NEMP2: variants seen among roughly 807,000 people sequenced by gnomAD.
NEMP2 encodes nuclear envelope integral membrane protein 2, also known as UPF0571 transmembrane protein.
NEMP2 carries 53 observed loss-of-function variants against 54.2 expected under a neutral mutation model. That is an observed-to-expected ratio of 0.98 (90% CI 0.78 to 1.23). The LOEUF (loss-of-function observed/expected upper bound fraction) is 1.23. Ranked by LOEUF, NEMP2 falls within the 50% of genes most tolerant of loss-of-function variation. The pLI is 0.00. For synonymous variants in NEMP2, 197 were observed against 190.3 expected, an observed-to-expected ratio of 1.04 and a Z score of -0.29; for missense variants, 455 against 511.3, an observed-to-expected ratio of 0.89 and a Z score of 1.06.
chr2:190,622,648 A>C, the NEMP2 span, among the ~76,000 whole-genome samples: 948 of 152,288 alleles, frequency 6.2e-3, 3 homozygotes, highest in Middle Eastern at 0.024. Context: ...CGACAACAAA[A>C]ATCGGACATC....
chr2:190,489,254 A>G, the NEMP2 span, among the ~76,000 whole-genome samples: 60 of 152,356 alleles, frequency 3.9e-4, no homozygotes, highest in African/African-American at 1.4e-3. This position sits in a 1 kb window ranked among gnomAD's most constrained non-coding sequence, Gnocchi z 6.6. Context: ...TATGGTAACA[A>G]TATCTGTCTG....
chr2:190,537,833 G>C (rs565998989), upstream of NEMP2, among the ~76,000 whole-genome samples: 1 of 152,304 alleles, frequency 6.6e-6, no homozygotes, highest in South Asian at 2.1e-4. Context: ...AATGTCTCCA[G>C]GGCATGTCGG....
the NEMP2 span, among the ~76,000 whole-genome samples, chr2:190,542,399 A>T: frequency 2.0e-4 from 30 of 152,148 alleles, no homozygotes; most frequent in Admixed American, 9.8e-4. The surrounding 1 kb of genome is among the most constrained non-coding windows in gnomAD (Gnocchi z 4.6). Flanking sequence ...TTTGGTAGAG[A>T]CAAAATTTCG....
At chr2:190,511,010 G>A (rs139615793) in intron 7 of NEMP2, among the ~76,000 whole-genome samples, 145 of 152,232 alleles carry the variant, frequency 9.5e-4, no homozygotes, top group African/African-American at 3.3e-3. Context: ...TAGAGAACAT[G>A]TAGTTTGGGC....
chr2:190,475,670 G>C, the NEMP2 span, among the ~76,000 whole-genome samples: 1,953 of 152,020 alleles, frequency 0.013, 58 homozygotes, highest in African/African-American at 0.044. Flanking sequence ...CCATCCCCAT[G>C]AAGCTACCAA....
the NEMP2 span, among the ~76,000 whole-genome samples, chr2:190,640,562 A>AT: frequency 6.6e-6 from 1 of 152,240 alleles, no homozygotes; most frequent in Non-Finnish European, 1.5e-5. Context: ...GTCATGATGT[A>AT]TAAGTCCAGG....
chr2:190,473,442 C>A, the NEMP2 span, among the ~76,000 whole-genome samples: 8 of 152,082 alleles, frequency 5.3e-5, no homozygotes, highest in African/African-American at 1.9e-4. Context: ...CAATCCTGGT[C>A]TCTGATAAAA....
chr2:190,540,680 C>T, the NEMP2 span, among the ~76,000 whole-genome samples: 9 of 152,098 alleles, frequency 5.9e-5, no homozygotes, highest in African/African-American at 1.9e-4. Flanking sequence ...GGATATTGGC[C>T]TGTAGTTTTC....
At chr2:190,566,878 T>G in the NEMP2 span, among the ~76,000 whole-genome samples, 2 of 151,942 alleles carry the variant, frequency 1.3e-5, no homozygotes, top group Non-Finnish European at 2.9e-5. Flanking sequence ...GTGAAACCCA[T>G]CACTCTACAA....
chr2:190,498,392 G>A, the NEMP2 span, among the ~76,000 whole-genome samples: 4 of 152,122 alleles, frequency 2.6e-5, no homozygotes, highest in Non-Finnish European at 5.9e-5. This position sits in a 1 kb window ranked among gnomAD's most constrained non-coding sequence, Gnocchi z 5.9. Flanking sequence ...GATAAGTCAC[G>A]TCAGCTTTGT....
At chr2:190,589,101 G>A in the NEMP2 span, among the ~76,000 whole-genome samples, 41 of 152,228 alleles carry the variant, frequency 2.7e-4, no homozygotes, top group Non-Finnish European at 4.9e-4. The surrounding 1 kb of genome is among the most constrained non-coding windows in gnomAD (Gnocchi z 4.3). Context: ...AACACACTCT[G>A]TACTTTGGGG....
At chr2:190,503,838 A>G (rs1382550453), downstream of NEMP2, among the ~76,000 whole-genome samples, 1 of 152,190 alleles carries the variant, frequency 6.6e-6, no homozygotes, top group Non-Finnish European at 1.5e-5. The surrounding 1 kb of genome is among the most constrained non-coding windows in gnomAD (Gnocchi z 6.3). Context: ...AGATCTCAGA[A>G]AGTAATTTAC....
chr2:190,639,636 GTTTT>G, the NEMP2 span, among the ~76,000 whole-genome samples: 44 of 144,006 alleles, frequency 3.1e-4, no homozygotes, highest in Admixed American at 5.4e-4. Flanking sequence ...TTATTGTTGA[GTTTT>G]TTTTTTTTGT....
the NEMP2 span, among the ~76,000 whole-genome samples, chr2:190,569,720 C>G: frequency 6.6e-6 from 1 of 152,310 alleles, no homozygotes; most frequent in East Asian, 1.9e-4. Flanking sequence ...ACTTAGTGTA[C>G]ATGTGAATAA....
the NEMP2 span, among the ~76,000 whole-genome samples, chr2:190,478,876 C>G: frequency 6.6e-6 from 1 of 152,060 alleles, no homozygotes; most frequent in Non-Finnish European, 1.5e-5. Context: ...ATCCTACCAC[C>G]CTTGCTTTAT....
At chr2:190,431,114 G>A in the NEMP2 span, among the ~76,000 whole-genome samples, 426 of 148,244 alleles carry the variant, frequency 2.9e-3, 2 homozygotes, top group African/African-American at 9.9e-3. This position sits in a 1 kb window ranked among gnomAD's most constrained non-coding sequence, Gnocchi z 4.4. Flanking sequence ...ACAGGGCGGC[G>A]GGGCAGAGGC....
chr2:190,487,358 CAT>C, the NEMP2 span, among the ~76,000 whole-genome samples: 1 of 151,970 alleles, frequency 6.6e-6, no homozygotes, highest in Non-Finnish European at 1.5e-5. The surrounding 1 kb of genome is among the most constrained non-coding windows in gnomAD (Gnocchi z 5.5). Flanking sequence ...CAAAACAAAA[CAT>C]AAAAATTGTT....
chr2:190,436,272 C>T, the NEMP2 span: 2 of 1,613,906 alleles, frequency 1.2e-6, no homozygotes, highest in Admixed American at 3.3e-5. This position sits in a 1 kb window ranked among gnomAD's most constrained non-coding sequence, Gnocchi z 5.3. Context: ...TTTACTCTGC[C>T]TATGGCTCTC....
rs775488437 is a variant in NEMP2, at chr2:190,522,315, C to T, written c.213+2948G>A. On this transcript the variant is annotated intron_variant, in intron 2 of 8. Transcript: ENST00000409150. This position sits in a 1 kb window ranked among gnomAD's most constrained non-coding sequence, Gnocchi z 5.0. ...GATGGGTTCAGTAGAGCCCAAACCCCAGCATTACACAATATATCCATGTGA... is the reference window on the plus strand; with the variant it reads ...GATGGGTTCAGTAGAGCCCAAACCCTAGCATTACACAATATATCCATGTGA... 6.6e-5 allele frequency among the ~76,000 whole-genome samples: 10 copies of T among 151,778 alleles called. No homozygotes were observed. Among genetic ancestry groups the T allele is most frequent in the Non-Finnish European group, 1.0e-4 (7 of 67,978 alleles).
Sources: gnomAD v4.1 joint callset for allele counts (sites outside exome capture counted in the v4.1 genomes callset) on GRCh38, gnomAD v4.1.1 for gene constraint, Gnocchi (gnomAD v3.1) non-coding constraint, MANE v1.5 for transcripts, NCBI Gene and HGNC (gene_info 2026-07-23, HGNC 2026-07-21) for gene names.